CNTN3: variants seen among roughly 807,000 people sequenced by gnomAD.
CNTN3 encodes the protein contactin 3.
CNTN3 carries 60 observed loss-of-function variants against 119.1 expected under a neutral mutation model. The observed-to-expected ratio is 0.50, with a 90% CI of 0.41 to 0.62. The LOEUF (loss-of-function observed/expected upper bound fraction) is 0.62. Among genes scored for constraint, CNTN3 ranks in the 20% least tolerant of loss-of-function variants. CNTN3 has a pLI of 0.00. For missense variants in CNTN3, 1,101 were observed against 1,242.4 expected (o/e 0.89, Z 1.71); for synonymous variants, 450 against 438.7 (o/e 1.03, Z -0.32).
At chr3:74,607,345 C>T (rs1005352112) in intron 1 of CNTN3, among the ~76,000 whole-genome samples, 1 of 152,166 alleles carries the variant, frequency 6.6e-6, no homozygotes, top group African/African-American at 2.4e-5. Flanking sequence ...CTATATTGTT[C>T]GGGTTGATTT....
Position 74,424,659 on chromosome 3 carries a change from T to C in CNTN3, c.454+186A>G, listed in dbSNP as rs192818649. Among the ~76,000 whole-genome samples the C allele has an allele frequency of 4.5e-4, 69 of 152,318 alleles. 1 individual carries two copies. The highest frequency in any genetic ancestry group is 1.5e-3 in the African/African-American group (63 of 41,564). ...AACCAAAAAGTCAATGAGTCGATTGTTTAGAAACCTCTCTGGATGGACTAT... is the reference window on the plus strand; with the variant it reads ...AACCAAAAAGTCAATGAGTCGATTGCTTAGAAACCTCTCTGGATGGACTAT... On this transcript the variant is annotated intron_variant, in intron 5 of 22. Coordinates refer to ENST00000263665, the MANE Select transcript of CNTN3 (RefSeq NM_020872.3).
chr3:74,597,485 A>C (rs1007366014), intron 1 of CNTN3, among the ~76,000 whole-genome samples: 1 of 152,052 alleles, frequency 6.6e-6, no homozygotes, highest in Non-Finnish European at 1.5e-5. Context: ...AACAGCCCCA[A>C]ATCCCACAAC....
chr3:74,424,765 GATGC>G (rs1472927456), intron 5 of CNTN3, 76 bp downstream of exon 5: 2 of 1,130,666 alleles, frequency 1.8e-6, no homozygotes. Flanking sequence ...GTAATTTACA[GATGC>G]AATAACAGTA....
intron 1 of CNTN3, among the ~76,000 whole-genome samples, chr3:74,523,390 T>C (rs1703571438): frequency 6.6e-6 from 1 of 151,770 alleles, no homozygotes. Flanking sequence ...ATGTGAAACA[T>C]GAGATACATT....
At chr3:74,301,942 C>T in intron 14 of CNTN3, 137 bp from the exon 15 acceptor site, 2 of 822,680 alleles carry the variant, frequency 2.4e-6, no homozygotes, top group Non-Finnish European at 1.9e-6. Flanking sequence ...AGGGAAAAGG[C>T]CATTTACCTG....
chr3:74,424,188 A>C (rs2106896206), intron 5 of CNTN3, among the ~76,000 whole-genome samples: 1 of 152,180 alleles, frequency 6.6e-6, no homozygotes, highest in African/African-American at 2.4e-5. Flanking sequence ...GGAAAATCAA[A>C]CCAGCACCCC....
intron 11 of CNTN3, among the ~76,000 whole-genome samples, chr3:74,339,290 A>G (rs1212117414): frequency 6.6e-6 from 1 of 152,062 alleles, no homozygotes; most frequent in African/African-American, 2.4e-5. Context: ...AGCCTGAACC[A>G]TATCCTCACA....
chr3:74,410,001 A>G (rs1701411513), intron 5 of CNTN3, among the ~76,000 whole-genome samples: 3 of 152,200 alleles, frequency 2.0e-5, no homozygotes, highest in Admixed American at 2.0e-4. Flanking sequence ...GAATTCTTTA[A>G]CACCTTTTAT....
chr3:74,494,955 C>T, intron 3 of CNTN3, among the ~76,000 whole-genome samples: 1 of 151,992 alleles, frequency 6.6e-6, no homozygotes, highest in Non-Finnish European at 1.5e-5. Flanking sequence ...AGAACGCTTC[C>T]TAGGAGAGAT....
intron 1 of CNTN3, among the ~76,000 whole-genome samples, chr3:74,605,983 C>G (rs945783282): frequency 1.3e-5 from 2 of 152,024 alleles, no homozygotes; most frequent in Admixed American, 1.3e-4. Flanking sequence ...AGTTATTTTT[C>G]TCTAAATAGC....
At chr3:74,353,724 C>T (rs1041901252) in intron 11 of CNTN3, among the ~76,000 whole-genome samples, 2 of 151,968 alleles carry the variant, frequency 1.3e-5, no homozygotes, top group African/African-American at 4.8e-5. Context: ...CCACTGCACT[C>T]CAGCCTGGGG....
At chr3:74,597,604 C>T (rs1439249798) in intron 1 of CNTN3, among the ~76,000 whole-genome samples, 3 of 152,028 alleles carry the variant, frequency 2.0e-5, no homozygotes, top group Non-Finnish European at 2.9e-5. Context: ...ACTTGCATTA[C>T]TGTGGACTGG....
At chr3:74,329,145 A>T (rs537826068) in intron 13 of CNTN3, among the ~76,000 whole-genome samples, 8 of 152,212 alleles carry the variant, frequency 5.3e-5, no homozygotes, top group African/African-American at 1.2e-4. Flanking sequence ...ATTATCACAC[A>T]AAGGATCAAT....
rs201352267 is a variant in CNTN3 at position 74,486,659 on chromosome 3, C to A, written c.183-28G>T. On this transcript the variant is annotated intron_variant, in intron 3 of 22. Transcript: ENST00000263665. Reference sequence around the variant, plus strand: ...GTAAAACAAATATCAAGGTTCCCCCCCCTTAGTATTTTTAACTTAAAAGAA... The same window carrying A: ...GTAAAACAAATATCAAGGTTCCCCCACCTTAGTATTTTTAACTTAAAAGAA... 18 of 1,485,838 alleles carry A rather than the reference C, an allele frequency of 1.2e-5. No individual in the cohort carries two copies. In the South Asian group the frequency reaches 1.8e-4, roughly 15 times the overall value. The allele number at this position is 1,485,838 out of a possible 1,614,324, so 92.0% of individuals were successfully genotyped here.
At chr3:74,580,139 G>A (rs1350378641) in intron 1 of CNTN3, among the ~76,000 whole-genome samples, 1 of 152,042 alleles carries the variant, frequency 6.6e-6, no homozygotes, top group Non-Finnish European at 1.5e-5. Context: ...ATAAATTCAC[G>A]ACATTTGATA....
chr3:74,316,063 G>T (rs927023047), intron 13 of CNTN3, among the ~76,000 whole-genome samples: 1 of 152,160 alleles, frequency 6.6e-6, no homozygotes, highest in African/African-American at 2.4e-5. Flanking sequence ...TAAACTTACA[G>T]AATGGGAGAA....
chr3:74,432,043 C>T (rs1251743665), intron 4 of CNTN3, among the ~76,000 whole-genome samples: 1 of 146,208 alleles, frequency 6.8e-6, no homozygotes, highest in African/African-American at 2.4e-5. Context: ...GTCTTCCATA[C>T]ATAATATCTT....
At chr3:74,596,730 A>G (rs2106697012) in intron 1 of CNTN3, among the ~76,000 whole-genome samples, 1 of 152,198 alleles carries the variant, frequency 6.6e-6, no homozygotes, top group South Asian at 2.1e-4. Context: ...AAAATACAGT[A>G]TCAAAATTGA....
chr3:74,384,019 T>C (rs1273827020), intron 5 of CNTN3, among the ~76,000 whole-genome samples: 1 of 152,124 alleles, frequency 6.6e-6, no homozygotes, highest in African/African-American at 2.4e-5. Flanking sequence ...AGTCCTCAAT[T>C]GGTAGAAAGG....
Sources: allele counts gnomAD v4.1 joint callset (sites outside exome capture counted in the v4.1 genomes callset), GRCh38; gene constraint gnomAD v4.1.1; transcripts MANE v1.5; gene names NCBI Gene and HGNC (gene_info 2026-07-23, HGNC 2026-07-21).